Variants in ATP6V0E1 observed in about 807,000 individuals in gnomAD.
The protein encoded by ATP6V0E1 is V-type proton ATPase subunit e 1.
Under a neutral mutation model 11.6 loss-of-function variants are expected in ATP6V0E1, and 4 were observed. The observed-to-expected ratio is 0.35, with a 90% CI of 0.17 to 0.79. The LOEUF is 0.79. Among genes scored for constraint, ATP6V0E1 ranks in the 30% least tolerant of loss-of-function variants. The pLI is 0.54. For missense variants in ATP6V0E1, 105 were observed against 100.0 expected, an observed-to-expected ratio of 1.05 and a Z score of -0.21; for synonymous variants, 36 against 34.8, an observed-to-expected ratio of 1.04 and a Z score of -0.13.
intron 3 of ATP6V0E1, among the ~76,000 whole-genome samples, chr5:173,023,892 A>C (rs979914550): frequency 5.9e-5 from 9 of 151,898 alleles, no homozygotes; most frequent in Non-Finnish European, 1.3e-4. Flanking sequence ...GGATGATCTA[A>C]TAGACTTGAA....
intron 1 of ATP6V0E1, among the ~76,000 whole-genome samples, chr5:172,992,213 G>A (rs1218733842): frequency 6.6e-6 from 1 of 152,084 alleles, no homozygotes; most frequent in Non-Finnish European, 1.5e-5. Flanking sequence ...ACCACGCCCG[G>A]CTAATTTTTT....
chr5:173,011,380 C>T (rs1387145455), intron 2 of ATP6V0E1, among the ~76,000 whole-genome samples: 4 of 151,888 alleles, frequency 2.6e-5, no homozygotes, highest in Admixed American at 2.0e-4. Flanking sequence ...GACGGGGTCT[C>T]GCCATGTTGC....
intron 1 of ATP6V0E1, among the ~76,000 whole-genome samples, chr5:172,990,298 G>C (rs1417461945): frequency 6.6e-6 from 1 of 152,102 alleles, no homozygotes; most frequent in Non-Finnish European, 1.5e-5. Context: ...CCTGGAATCA[G>C]CTTTCCTGAT....
chr5:173,016,737 C>T (rs1303120918), intron 2 of ATP6V0E1, among the ~76,000 whole-genome samples: 2 of 152,180 alleles, frequency 1.3e-5, no homozygotes, highest in Non-Finnish European at 2.9e-5. Flanking sequence ...GCACCATTAG[C>T]GTCAACTGCA....
chr5:172,996,070 T>C (rs1462285949), intron 2 of ATP6V0E1, among the ~76,000 whole-genome samples: 1 of 152,188 alleles, frequency 6.6e-6, no homozygotes, highest in African/African-American at 2.4e-5. Flanking sequence ...ACCCATCCTA[T>C]AGATGAAAGA....
intron 1 of ATP6V0E1, among the ~76,000 whole-genome samples, chr5:172,990,148 A>G (rs773344242): frequency 6.6e-6 from 1 of 152,092 alleles, no homozygotes; most frequent in Admixed American, 6.5e-5. Context: ...GGAAAAACTT[A>G]TGAATCTTTT....
At chr5:172,997,903 GC>G (rs1756091847) in intron 2 of ATP6V0E1, among the ~76,000 whole-genome samples, 1 of 151,942 alleles carries the variant, frequency 6.6e-6, no homozygotes, top group Non-Finnish European at 1.5e-5. Flanking sequence ...GATCACTTGA[GC>G]CCGGGAGTTC....
At chr5:173,010,797 T>C (rs1657601585) in intron 2 of ATP6V0E1, among the ~76,000 whole-genome samples, 1 of 152,236 alleles carries the variant, frequency 6.6e-6, no homozygotes, top group African/African-American at 2.4e-5. Context: ...AAGCTGAGAC[T>C]GCTCCATCTG....
At chr5:173,020,835 G>T in intron 3 of ATP6V0E1, 3 of 519,980 alleles carry the variant, frequency 5.8e-6, no homozygotes, top group South Asian at 4.1e-5. Flanking sequence ...TGTTCTGGTG[G>T]CGTCTGGCAC....
In ATP6V0E1 at chr5:173,017,656, C is replaced by T. The variant is rs1643601; in HGVS notation, c.153-2582C>T. On this transcript the variant is annotated intron_variant, in intron 2 of 3. Coordinates refer to ENST00000519374, the MANE Select transcript of ATP6V0E1 (RefSeq NM_003945.4). ...AGGAGTTCGACACCAGCCTGGCCAACATAGTGAAACCTCTTCTCTACTAAA... is the reference window on the plus strand; with the variant it reads ...AGGAGTTCGACACCAGCCTGGCCAATATAGTGAAACCTCTTCTCTACTAAA... Among the ~76,000 whole-genome samples, 817 of 151,614 alleles carry T rather than the reference C, an allele frequency of 5.4e-3. 2 individuals are homozygous for T. Among genetic ancestry groups the T allele is most frequent in the African/African-American group, 0.019 (771 of 41,360 alleles).
intron 2 of ATP6V0E1, among the ~76,000 whole-genome samples, chr5:172,999,332 T>C (rs576447041): frequency 5.8e-4 from 89 of 152,310 alleles, no homozygotes; most frequent in African/African-American, 2.0e-3. Flanking sequence ...CTTTTTTTTT[T>C]TTCTTTCTGG....
At chr5:172,997,534 G>A (rs2113586080) in intron 2 of ATP6V0E1, among the ~76,000 whole-genome samples, 1 of 152,332 alleles carries the variant, frequency 6.6e-6, no homozygotes, top group South Asian at 2.1e-4. Flanking sequence ...CAGGGGCAAG[G>A]CGTGGTGGCT....
intron 1 of ATP6V0E1, among the ~76,000 whole-genome samples, chr5:172,992,488 C>T (rs1755999151): frequency 6.6e-6 from 1 of 152,258 alleles, no homozygotes; most frequent in South Asian, 2.1e-4. Flanking sequence ...CCTCTTTGAA[C>T]TCCAGGTACC....
intron 2 of ATP6V0E1, among the ~76,000 whole-genome samples, chr5:172,995,407 T>C (rs1756050123): frequency 6.6e-6 from 1 of 152,158 alleles, no homozygotes; most frequent in African/African-American, 2.4e-5. Context: ...CGGTATACTA[T>C]TGTGAAGTAT....
intron 2 of ATP6V0E1, among the ~76,000 whole-genome samples, chr5:173,014,840 G>A (rs371395543): frequency 1.0e-3 from 157 of 152,280 alleles, no homozygotes; most frequent in African/African-American, 3.6e-3. Context: ...TTGCAAAATA[G>A]GGTGACTATA....
chr5:173,009,425 C>G (rs1304159649), intron 2 of ATP6V0E1, among the ~76,000 whole-genome samples: 2 of 147,918 alleles, frequency 1.4e-5, no homozygotes, highest in African/African-American at 5.0e-5. Context: ...TTCCCCTGAA[C>G]AGGTCACATT....
At chr5:173,017,574 G>A (rs558874792) in intron 2 of ATP6V0E1, among the ~76,000 whole-genome samples, 1 of 148,852 alleles carries the variant, frequency 6.7e-6, no homozygotes, top group South Asian at 2.1e-4. Context: ...CGGCTGCAGT[G>A]GCTCACGCCT....
intron 3 of ATP6V0E1, among the ~76,000 whole-genome samples, chr5:173,021,464 T>C (rs775776619): frequency 6.6e-6 from 1 of 152,132 alleles, no homozygotes; most frequent in Non-Finnish European, 1.5e-5. Flanking sequence ...TCAGATCTCG[T>C]GAGACTTATT....
intron 2 of ATP6V0E1, among the ~76,000 whole-genome samples, chr5:173,017,637 T>TC (rs1160234715): frequency 2.6e-5 from 4 of 150,950 alleles, no homozygotes; most frequent in Non-Finnish European, 5.9e-5. Context: ...GGTCAGGAGT[T>TC]CGACACCAGC....
Sources: gnomAD v4.1 joint callset for allele counts (sites outside exome capture counted in the v4.1 genomes callset) on GRCh38, gnomAD v4.1.1 for gene constraint, MANE v1.5 for transcripts, NCBI Gene and HGNC (gene_info 2026-07-23, HGNC 2026-07-21) for gene names.